The following EHMT1 variants were observed in gnomAD, a reference collection of about 807,000 sequenced individuals.
EHMT1 encodes the protein histone-lysine N-methyltransferase EHMT1.
In EHMT1, 15 loss-of-function variants were observed where a neutral mutation model predicts 147.2. That is an observed-to-expected ratio of 0.10 (90% confidence interval 0.07 to 0.16). The LOEUF (loss-of-function observed/expected upper bound fraction) is 0.16. Ranked by LOEUF, EHMT1 falls within the 10% of genes least tolerant of loss-of-function variation. The pLI, the probability that EHMT1 is intolerant of heterozygous loss-of-function variation, is 1.00. For missense variants in EHMT1, 1,587 were observed against 1,772.4 expected, an observed-to-expected ratio of 0.90 and a Z score of 1.88; for synonymous variants, 795 against 709.6, an observed-to-expected ratio of 1.12 and a Z score of -1.91.
chr9:137,762,599 A>C, intron 9 of EHMT1, 76 bp from the exon 10 acceptor site: 1 of 1,607,638 alleles, frequency 6.2e-7, no homozygotes, highest in South Asian at 1.1e-5. Context: ...CACTGTTGAG[A>C]CTATAATCGA....
At chr9:137,834,290 C>T in intron 25 of EHMT1, 59 bp from the exon 26 acceptor site, 1 of 1,602,464 alleles carries the variant, frequency 6.2e-7, no homozygotes, top group Non-Finnish European at 8.5e-7. Flanking sequence ...CCGTACCCGG[C>T]GAGGCCGGCG....
chr9:137,647,424 C>T (rs1001953469), intron 1 of EHMT1, among the ~76,000 whole-genome samples: 22 of 152,246 alleles, frequency 1.4e-4, no homozygotes, highest in Non-Finnish European at 2.6e-4. Context: ...GAGACGCTGT[C>T]GGCTCTACCT....
At chr9:137,715,803 G>C in intron 2 of EHMT1, 4 of 985,342 alleles carry the variant, frequency 4.1e-6, no homozygotes, top group Non-Finnish European at 4.8e-6. Context: ...GTTAGTTATT[G>C]TGAAGCCTCT....
chr9:137,620,414 A>G, intron 1 of EHMT1, among the ~76,000 whole-genome samples: 1 of 151,914 alleles, frequency 6.6e-6, no homozygotes, highest in South Asian at 2.1e-4. Context: ...TTAAATTATT[A>G]TTTATTATTA....
rs545407066 is a variant in EHMT1, at chr9:137,698,500, T to C, written c.22-12467T>C. Among the ~76,000 whole-genome samples the C allele has an allele frequency of 5.2e-3, 786 of 152,278 alleles. 3 individuals are homozygous for C. The highest frequency in any genetic ancestry group is 8.3e-3 in the Non-Finnish European group (564 of 68,012). Reference sequence around the variant, plus strand: ...CTAACACCAGGTATCGCTGAAAGGATTTTTAAAGCTAGTGAGCAGGTTGCC... The same window carrying C: ...CTAACACCAGGTATCGCTGAAAGGACTTTTAAAGCTAGTGAGCAGGTTGCC... On this transcript the variant is annotated intron_variant, in intron 1 of 26. Transcript: ENST00000460843.
In EHMT1 at chr9:137,623,384, A is replaced by G. The variant is rs560116054; in HGVS notation, c.21+4335A>G. 2.6e-5 allele frequency among the ~76,000 whole-genome samples: 4 copies of G among 151,104 alleles called. No individual in the cohort carries two copies. In the South Asian group the frequency reaches 6.3e-4, roughly 24 times the overall value. On this transcript the variant is annotated intron_variant, in intron 1 of 26. Transcript: ENST00000460843. ...GCCAGGAAGGTGTGGTAAGCGGTGA[A>G]CTTTTGGGGTTTGCGTGTCTGAAAA...
At chr9:137,746,891 A>G (rs1948586148) in intron 6 of EHMT1, 1 of 152,244 alleles carries the variant, frequency 6.6e-6, no homozygotes, top group Admixed American at 6.5e-5. Flanking sequence ...AACTCTAGGT[A>G]TTTGTCATAA....
rs1389158178 is a variant in EHMT1, at chr9:137,834,205, A to G, written c.3541-144A>G. 8 of 1,096,812 alleles carry G rather than the reference A, an allele frequency of 7.3e-6. No individual in the cohort carries two copies. In the East Asian group the frequency reaches 1.3e-4, roughly 18 times the overall value. 67.9% of individuals were successfully genotyped at this position (1,096,812 alleles called of 1,614,324 possible). On this transcript the variant is annotated intron_variant, in intron 25 of 26. Coordinates refer to ENST00000460843, the MANE Select transcript of EHMT1 (RefSeq NM_024757.5). ...CTGGCGGAGGCTCCGCACCGCCGCC[A>G]CAGGTCACTGGAGAAGGCCCCTCCT... is the stretch of plus-strand genomic sequence containing the variant.
intron 1 of EHMT1, among the ~76,000 whole-genome samples, chr9:137,709,770 C>T (rs1944540437): frequency 6.6e-6 from 1 of 152,218 alleles, no homozygotes; most frequent in African/African-American, 2.4e-5. Flanking sequence ...AAGTCTGTGC[C>T]TCTCCTCTTC....
At chr9:137,691,698 C>T (rs1268805562) in intron 1 of EHMT1, among the ~76,000 whole-genome samples, 41 of 152,246 alleles carry the variant, frequency 2.7e-4, no homozygotes, top group East Asian at 7.7e-4. Flanking sequence ...CCATAGCAAC[C>T]GCACCATTTT....
At chr9:137,620,231 C>A in intron 1 of EHMT1, among the ~76,000 whole-genome samples, 1 of 151,950 alleles carries the variant, frequency 6.6e-6, no homozygotes, top group Non-Finnish European at 1.5e-5. Context: ...GAACAAAAAG[C>A]GAAATTAGAA....
intron 1 of EHMT1, among the ~76,000 whole-genome samples, chr9:137,639,031 A>G (rs1417527130): frequency 6.6e-6 from 1 of 152,130 alleles, no homozygotes; most frequent in African/African-American, 2.4e-5. Context: ...TGCTTCCTAT[A>G]AATGTTGATA....
chr9:137,702,937 A>G (rs1225818816), intron 1 of EHMT1, among the ~76,000 whole-genome samples: 1 of 152,212 alleles, frequency 6.6e-6, no homozygotes, highest in Non-Finnish European at 1.5e-5. Context: ...CCACAGATGT[A>G]TGGATGATAT....
At chr9:137,648,491 CAAAA>C (rs397720797) in intron 1 of EHMT1, among the ~76,000 whole-genome samples, 1 of 93,790 alleles carries the variant, frequency 1.1e-5, no homozygotes, top group Non-Finnish European at 2.3e-5. Flanking sequence ...TCCTTCTCTC[CAAAA>C]AAAAAAAAAA....
chr9:137,736,160 C>A (rs1176741396), intron 4 of EHMT1, among the ~76,000 whole-genome samples: 1 of 151,614 alleles, frequency 6.6e-6, no homozygotes, highest in Non-Finnish European at 1.5e-5. Flanking sequence ...GGCTATCAGA[C>A]AAAATTTAAA....
At chr9:137,699,034 C>T (rs1255058011) in intron 1 of EHMT1, among the ~76,000 whole-genome samples, 6 of 152,006 alleles carry the variant, frequency 3.9e-5, no homozygotes, top group African/African-American at 7.2e-5. Flanking sequence ...CCCTATTCTT[C>T]GCCTGTGGGG....
intron 1 of EHMT1, among the ~76,000 whole-genome samples, chr9:137,621,418 C>T (rs1842934627): frequency 6.6e-6 from 1 of 152,108 alleles, no homozygotes; most frequent in African/African-American, 2.4e-5. Context: ...AAGAACTGGC[C>T]AGCCGTGGTG....
chr9:137,811,358 C>CA, intron 18 of EHMT1, 103 bp from the exon 19 acceptor site: 1 of 1,552,678 alleles, frequency 6.4e-7, no homozygotes, highest in Non-Finnish European at 8.8e-7. Flanking sequence ...ACGCATGCTC[C>CA]AGAGCCTCTC....
intron 1 of EHMT1, among the ~76,000 whole-genome samples, chr9:137,638,662 A>G (rs925523669): frequency 2.6e-5 from 4 of 152,184 alleles, no homozygotes; most frequent in African/African-American, 9.7e-5. Context: ...ATTTGGAAAT[A>G]GGGTCATTGC....
Sources: gnomAD v4.1 joint callset for allele counts (sites outside exome capture counted in the v4.1 genomes callset) on GRCh38, gnomAD v4.1.1 for gene constraint, MANE v1.5 for transcripts, NCBI Gene and HGNC (gene_info 2026-07-23, HGNC 2026-07-21) for gene names.